The following AGPAT3 variants were observed in gnomAD, a reference collection of about 807,000 sequenced individuals.
AGPAT3 encodes the protein 1-acylglycerol-3-phosphate O-acyltransferase 3.
A neutral mutation model predicts 47.3 loss-of-function variants in AGPAT3; 5 were observed. That is an observed-to-expected ratio of 0.11 (90% CI 0.06 to 0.22). The LOEUF (loss-of-function observed/expected upper bound fraction) is 0.22, where lower values mean the gene tolerates loss of function less well. Ranked by LOEUF, AGPAT3 falls within the 10% of genes least tolerant of loss-of-function variation. The pLI, the probability that AGPAT3 is intolerant of heterozygous loss-of-function variation, is 1.00. For missense variants in AGPAT3, 315 were observed against 493.0 expected (o/e 0.64, Z 3.42); for synonymous variants, 212 against 208.3 (o/e 1.02, Z -0.15).
At chr21:43,901,471 A>T in intron 1 of AGPAT3, among the ~76,000 whole-genome samples, 1 of 152,100 alleles carries the variant, frequency 6.6e-6, no homozygotes, top group South Asian at 2.1e-4. Flanking sequence ...AAATAAAGAA[A>T]AAAATGGAAG....
At chr21:43,894,109 A>T (rs1167758659) in intron 1 of AGPAT3, among the ~76,000 whole-genome samples, 1 of 152,122 alleles carries the variant, frequency 6.6e-6, no homozygotes, top group African/African-American at 2.4e-5. Context: ...CGTGAGTGAG[A>T]CTGCTCCGTA....
intron 2 of AGPAT3, among the ~76,000 whole-genome samples, chr21:43,959,019 G>T (rs1368323599): frequency 5.2e-5 from 7 of 134,372 alleles, no homozygotes; most frequent in Non-Finnish European, 1.1e-4. Context: ...TGTGTGGTTT[G>T]CAGTGTGGTG....
At position 43,985,506 on chromosome 21, in the gene AGPAT3, C is replaced by G. The variant is rs943178360; in HGVS notation, c.*3114C>G. On this transcript the variant is annotated 3_prime_UTR_variant, in exon 10 of 10. Coordinates refer to ENST00000291572, the MANE Select transcript of AGPAT3 (RefSeq NM_020132.5). Reference sequence around the variant, plus strand: ...CATGAGAATCTTTCCTCACGCTGTTCGTTGCGGTATTGCTGAGCATTGATG... The same window carrying G: ...CATGAGAATCTTTCCTCACGCTGTTGGTTGCGGTATTGCTGAGCATTGATG... The G allele has an allele frequency of 1.3e-5, 4 of 310,990 alleles. No homozygotes were observed. The highest frequency in any genetic ancestry group is 2.2e-5 in the African/African-American group (1 of 45,408). 19.3% of individuals were successfully genotyped at this position (310,990 alleles called of 1,614,324 possible). A position where few individuals can be genotyped will look rare whatever the true frequency, so the allele number is the denominator to read the frequency against.
intron 1 of AGPAT3, among the ~76,000 whole-genome samples, chr21:43,868,529 C>T (rs1029924519): frequency 5.3e-5 from 8 of 151,904 alleles, no homozygotes; most frequent in African/African-American, 9.7e-5. Context: ...TTTCTGAAAG[C>T]GGGTAGAGAA....
At position 43,939,960 on chromosome 21, in the gene AGPAT3, G is replaced by A. The variant is rs548994388; in HGVS notation, c.-48-19674G>A. 2.2e-4 allele frequency among the ~76,000 whole-genome samples: 33 copies of A among 152,350 alleles called. No individual in the cohort carries two copies. The highest frequency in any genetic ancestry group is 7.2e-4 in the African/African-American group (30 of 41,586). On this transcript the variant is annotated intron_variant, in intron 2 of 9. Transcript: ENST00000291572. The surrounding 1 kb of genome is among the most constrained non-coding windows in gnomAD (Gnocchi z 4.4). ...AGCCCGCAGCTGTGCGCAGGAGGAC[G>A]AACCTGTGTGTATGTCCTGCTTCAG... is the stretch of plus-strand genomic sequence containing the variant.
chr21:43,953,955 A>G lies in AGPAT3; in HGVS notation c.-48-5679A>G, dbSNP rs2097036. On this transcript the variant is annotated intron_variant, in intron 2 of 9. Transcript: ENST00000291572. ...TCAAGGCTGTGTGAGCCATGATGGC[A>G]TCGCTGCCCTCCAGCCTGGGTGACA... Among the ~76,000 whole-genome samples the G allele has an allele frequency of 1.5e-3, 223 of 152,366 alleles. 1 individual carries two copies. Among genetic ancestry groups the G allele is most frequent in the Admixed American group, 0.013 (204 of 15,310 alleles).
intron 2 of AGPAT3, among the ~76,000 whole-genome samples, chr21:43,949,953 T>C (rs1448104986): frequency 6.6e-6 from 1 of 152,218 alleles, no homozygotes; most frequent in Admixed American, 6.5e-5. Context: ...ACTTGCATCC[T>C]ACTTGCCGTA....
chr21:43,900,524 G>A (rs1207025797), intron 1 of AGPAT3, among the ~76,000 whole-genome samples: 1 of 152,120 alleles, frequency 6.6e-6, no homozygotes, highest in East Asian at 1.9e-4. Flanking sequence ...GACAGAGTGT[G>A]GAGTTAAGGG....
chr21:43,937,582 GAGACAGGGTCTCCCTCTGTCACTA>G (rs1463175862), intron 2 of AGPAT3, among the ~76,000 whole-genome samples: 2 of 152,060 alleles, frequency 1.3e-5, no homozygotes, highest in Non-Finnish European at 2.9e-5. Context: ...TGTTTTTCTG[GAGACAGGGTCTCCCTCTGTCACTA>G]AGGCTTAAGT....
chr21:43,919,143 G>A (rs541878887), intron 2 of AGPAT3, among the ~76,000 whole-genome samples: 1 of 152,146 alleles, frequency 6.6e-6, no homozygotes, highest in East Asian at 1.9e-4. Context: ...TGTCACAAAA[G>A]TTTACCGGTG....
At chr21:43,967,804 ACT>A in intron 3 of AGPAT3, 140 bp from the exon 4 acceptor site, 1 of 750,434 alleles carries the variant, frequency 1.3e-6, no homozygotes, top group South Asian at 2.0e-5. Context: ...CATAAAACGT[ACT>A]CAGTGTAAGT....
intron 2 of AGPAT3, among the ~76,000 whole-genome samples, chr21:43,906,321 G>A (rs1417158573): frequency 2.6e-5 from 4 of 152,104 alleles, no homozygotes; most frequent in African/African-American, 9.7e-5. Flanking sequence ...GTGTGGCACT[G>A]CAGCTCCCCC....
At chr21:43,894,823 G>A (rs917990134) in intron 1 of AGPAT3, among the ~76,000 whole-genome samples, 1 of 152,114 alleles carries the variant, frequency 6.6e-6, no homozygotes, top group Non-Finnish European at 1.5e-5. Flanking sequence ...CTATGAAAAG[G>A]CATCAGTGGC....
At chr21:43,956,674 G>T (rs1402040021) in intron 2 of AGPAT3, among the ~76,000 whole-genome samples, 1 of 152,188 alleles carries the variant, frequency 6.6e-6, no homozygotes, top group Non-Finnish European at 1.5e-5. Context: ...GACTTAGCTG[G>T]GTGCTGTGGG....
intron 1 of AGPAT3, among the ~76,000 whole-genome samples, chr21:43,876,695 G>A (rs1199836068): frequency 2.0e-5 from 3 of 152,198 alleles, no homozygotes; most frequent in Admixed American, 6.5e-5. Flanking sequence ...ATACCAAAAT[G>A]ACCAGGCTGT....
At chr21:43,951,924 G>C (rs990743388) in intron 2 of AGPAT3, among the ~76,000 whole-genome samples, 3 of 152,170 alleles carry the variant, frequency 2.0e-5, no homozygotes, top group Non-Finnish European at 4.4e-5. Context: ...GGCAAAGAAG[G>C]GGGGTCTCTG....
chr21:43,984,693 T>TTTG lies in AGPAT3; in HGVS notation c.*2301_*2302insTTG. On this transcript the variant is annotated 3_prime_UTR_variant, in exon 10 of 10. Coordinates refer to ENST00000291572, the MANE Select transcript of AGPAT3 (RefSeq NM_020132.5). ...CATGAATGTTTGAATTTTTTTTTTT[T>TTTG]GGGGGGGGGAGGGTGGATTTTGCTT... 8.1e-6 allele frequency: 1 copy of TTTG among 123,890 alleles called. No individual in the cohort carries two copies. The highest frequency in any genetic ancestry group is 2.6e-4 in the East Asian group (1 of 3,918). The allele number at this position is 123,890 out of a possible 1,614,324, so 7.7% of individuals were successfully genotyped here.
At chr21:43,940,737 G>A (rs1192877531) in intron 2 of AGPAT3, among the ~76,000 whole-genome samples, 4 of 152,256 alleles carry the variant, frequency 2.6e-5, no homozygotes, top group South Asian at 2.1e-4. Context: ...CAGAAAATGC[G>A]TAGTTACCAT....
chr21:43,902,263 A>G (rs2086374482), intron 1 of AGPAT3, among the ~76,000 whole-genome samples: 2 of 152,224 alleles, frequency 1.3e-5, no homozygotes. Flanking sequence ...ATCGAAAGAC[A>G]ATATTGGACA....
Sources: allele counts gnomAD v4.1 joint callset (sites outside exome capture counted in the v4.1 genomes callset), GRCh38; gene constraint gnomAD v4.1.1; non-coding constraint Gnocchi (gnomAD v3.1); transcripts MANE v1.5; gene names NCBI Gene and HGNC (gene_info 2026-07-23, HGNC 2026-07-21).